Variants in PTPRQ observed in about 807,000 individuals in gnomAD.
PTPRQ encodes the protein protein tyrosine phosphatase receptor type Q.
PTPRQ carries 199 observed loss-of-function variants against 246.0 expected under a neutral mutation model. That is an observed-to-expected ratio of 0.81 (90% CI 0.72 to 0.91). PTPRQ has a LOEUF of 0.91. PTPRQ is among the 40% of genes least tolerant of loss of function. PTPRQ has a pLI of 0.00. For synonymous variants in PTPRQ, 869 were observed against 853.2 expected (o/e 1.02, Z -0.32); for missense variants, 2,624 against 2,528.4 (o/e 1.04, Z -0.81).
rs1033508125 is a variant in PTPRQ, at chr12:80,652,838, T to C, written c.6115+4T>C. 7.8e-5 allele frequency: 116 copies of C among 1,482,756 alleles called. No individual in the cohort carries two copies. The highest frequency in any genetic ancestry group is 9.9e-5 in the Non-Finnish European group (111 of 1,117,980). 91.8% of individuals were successfully genotyped at this position (1,482,756 alleles called of 1,614,324 possible). ...CGCTTCCCAAACATAAAACCATGTA[T>C]GTGCATTTGTTGGTTTTGGTTTAGC... On this transcript the variant is annotated splice_donor_region_variant and intron_variant, in intron 38 of 44. Transcript: ENST00000644991.
chr12:80,540,696 A>G (rs1037689314), intron 20 of PTPRQ, among the ~76,000 whole-genome samples: 2 of 152,142 alleles, frequency 1.3e-5, no homozygotes, highest in African/African-American at 2.4e-5. Context: ...TTGTTGGAAC[A>G]GTCTTTTGAA....
At chr12:80,678,240 A>T (rs577501002) in intron 43 of PTPRQ, among the ~76,000 whole-genome samples, 1 of 152,368 alleles carries the variant, frequency 6.6e-6, no homozygotes, top group Non-Finnish European at 1.5e-5. Flanking sequence ...TCCAACAGTC[A>T]TTCTAACAAG....
intron 39 of PTPRQ, among the ~76,000 whole-genome samples, chr12:80,668,271 G>A (rs1460294740): frequency 6.6e-6 from 1 of 151,750 alleles, no homozygotes; most frequent in Non-Finnish European, 1.5e-5. Context: ...CAGGTAAATA[G>A]ACCAAATTTC....
intron 26 of PTPRQ, among the ~76,000 whole-genome samples, chr12:80,599,307 A>T (rs1223290455): frequency 1.3e-5 from 2 of 151,948 alleles, no homozygotes; most frequent in African/African-American, 2.4e-5. Context: ...ATAAGGATAG[A>T]TCATTCCTAC....
At chr12:80,520,351 A>C (rs1351375859) in intron 17 of PTPRQ, among the ~76,000 whole-genome samples, 2 of 151,984 alleles carry the variant, frequency 1.3e-5, no homozygotes, top group African/African-American at 4.8e-5. Flanking sequence ...ATCACATATT[A>C]CTTTTAATAC....
At chr12:80,560,771 T>C (rs1454817492) in intron 25 of PTPRQ, among the ~76,000 whole-genome samples, 1 of 152,272 alleles carries the variant, frequency 6.6e-6, no homozygotes, top group Non-Finnish European at 1.5e-5. Flanking sequence ...AGCTGTTTTT[T>C]TCTTTGGAAA....
At chr12:80,637,840 T>G (rs1049264591) in intron 35 of PTPRQ, among the ~76,000 whole-genome samples, 1 of 152,168 alleles carries the variant, frequency 6.6e-6, no homozygotes, top group Non-Finnish European at 1.5e-5. Context: ...CCGTTCAAAG[T>G]CAATCAGAGA....
At chr12:80,571,376 G>A (rs748914246) in intron 25 of PTPRQ, among the ~76,000 whole-genome samples, 8 of 152,190 alleles carry the variant, frequency 5.3e-5, no homozygotes, top group Non-Finnish European at 7.3e-5. Flanking sequence ...CTGACCTCAT[G>A]ATCTACCAGC....
At chr12:80,536,798 C>A (rs1434481237) in intron 19 of PTPRQ, among the ~76,000 whole-genome samples, 2 of 152,108 alleles carry the variant, frequency 1.3e-5, no homozygotes, top group Non-Finnish European at 2.9e-5. Context: ...TGTCATTATA[C>A]CCATAGAAGA....
chr12:80,517,954 A>C (rs1278094662), intron 17 of PTPRQ, among the ~76,000 whole-genome samples: 1 of 152,156 alleles, frequency 6.6e-6, no homozygotes, highest in Admixed American at 6.5e-5. Context: ...GTAAGTGCAG[A>C]TATCTCTTCC....
intron 39 of PTPRQ, among the ~76,000 whole-genome samples, chr12:80,660,499 G>A (rs996554067): frequency 9.2e-5 from 14 of 151,976 alleles, no homozygotes; most frequent in Non-Finnish European, 4.4e-5. Context: ...GCCACCAACT[G>A]TACAAATGAG....
intron 25 of PTPRQ, among the ~76,000 whole-genome samples, chr12:80,552,099 A>G (rs1032628950): frequency 2.0e-5 from 3 of 152,076 alleles, no homozygotes; most frequent in African/African-American, 7.2e-5. Context: ...GAATCCATGC[A>G]CTTAAGAATC....
chr12:80,677,542 G>T (rs1472627454), intron 43 of PTPRQ, among the ~76,000 whole-genome samples: 1 of 152,152 alleles, frequency 6.6e-6, no homozygotes, highest in African/African-American at 2.4e-5. Context: ...ACTACTATGT[G>T]CCCGGCACTA....
intron 6 of PTPRQ, among the ~76,000 whole-genome samples, chr12:80,467,297 C>T (rs1893459992): frequency 6.6e-6 from 1 of 152,046 alleles, no homozygotes; most frequent in African/African-American, 2.4e-5. Context: ...CAAATCAAAA[C>T]CACAATGAGA....
chr12:80,668,340 T>A (rs1900853424), intron 39 of PTPRQ, among the ~76,000 whole-genome samples: 1 of 152,032 alleles, frequency 6.6e-6, no homozygotes, highest in African/African-American at 2.4e-5. Context: ...AGATCTCATG[T>A]CCTATGAGTT....
At chr12:80,589,829 C>T (rs998879371) in intron 26 of PTPRQ, among the ~76,000 whole-genome samples, 5 of 152,168 alleles carry the variant, frequency 3.3e-5, no homozygotes, top group African/African-American at 1.2e-4. Context: ...CCGTCTCCGT[C>T]CTCTTTGCTG....
chr12:80,669,184 G>A (rs1444039042), intron 40 of PTPRQ, 43 bp downstream of exon 40: 12 of 1,538,824 alleles, frequency 7.8e-6, no homozygotes, highest in African/African-American at 4.1e-5. Flanking sequence ...TTTTACGATT[G>A]TGTTAACATA....
chr12:80,481,324 A>G lies in PTPRQ; in HGVS notation c.1187-3109A>G, dbSNP rs1044603590. Among the ~76,000 whole-genome samples the G allele has an allele frequency of 3.1e-4, 47 of 152,288 alleles. 1 individual carries two copies. The highest frequency in any genetic ancestry group is 1.1e-3 in the African/African-American group (46 of 41,542). ...AAAAGGCCTTTGACAAAATTCAACA[A>G]TCCTTCATGCTAAAAACTCTCAATA... On this transcript the variant is annotated intron_variant, in intron 8 of 44. Coordinates refer to ENST00000644991, the MANE Select transcript of PTPRQ (RefSeq NM_001145026.2).
chr12:80,678,613 CTTTTTACACCAG>C lies in PTPRQ; in HGVS notation c.6752_6763del (p.Phe2251_Gln2254del). ...TCTTTGGTGTCTAGGCACAGTATAT[CTTTTTACACCAG>C]TGCATTCTGGATCTCTTATCAAATA... On this transcript the variant is annotated inframe_deletion, in exon 44 of 45. Transcript: ENST00000644991. 1 of 1,548,412 alleles carries C rather than the reference CTTTTTACACCAG, an allele frequency of 6.5e-7. No individual in the cohort carries two copies.
Sources: allele counts gnomAD v4.1 joint callset (sites outside exome capture counted in the v4.1 genomes callset), GRCh38; gene constraint gnomAD v4.1.1; transcripts MANE v1.5; gene names NCBI Gene and HGNC (gene_info 2026-07-23, HGNC 2026-07-21).